The following SAP30BP variants were observed in gnomAD, a reference collection of about 807,000 sequenced individuals.
The protein encoded by SAP30BP is SAP30 binding protein, also known as SAP30-binding protein.
SAP30BP carries 31 observed loss-of-function variants against 46.3 expected under a neutral mutation model. That is an observed-to-expected ratio of 0.67 (90% confidence interval 0.50 to 0.90). The LOEUF is 0.90. Among genes scored for constraint, SAP30BP ranks in the 40% least tolerant of loss-of-function variants. SAP30BP has a pLI of 0.00. For missense variants in SAP30BP, 312 were observed against 391.0 expected (o/e 0.80, Z 1.70); for synonymous variants, 169 against 144.2 (o/e 1.17, Z -1.23).
intron 1 of SAP30BP, 105 bp from the exon 2 acceptor site, chr17:75,668,411 G>A (rs979056312): frequency 1.2e-5 from 8 of 644,432 alleles, no homozygotes; most frequent in Non-Finnish European, 7.7e-6. Context: ...TGTATCTTCA[G>A]AGATAGTCTT....
intron 3 of SAP30BP, among the ~76,000 whole-genome samples, chr17:75,682,593 T>C (rs2148389232): frequency 1.3e-5 from 2 of 152,326 alleles, no homozygotes; most frequent in South Asian, 4.1e-4. Context: ...TATAAACATT[T>C]TCAATGTTGC....
intron 3 of SAP30BP, chr17:75,672,272 C>T (rs1396962739): frequency 1.1e-5 from 2 of 188,162 alleles, no homozygotes; most frequent in Non-Finnish European, 2.3e-5. Context: ...GAACAAGAGG[C>T]TATAAGAAGG....
chr17:75,693,556 C>A (rs1357015487), intron 4 of SAP30BP, 74 bp downstream of exon 4: 1 of 1,396,398 alleles, frequency 7.2e-7, no homozygotes, highest in Non-Finnish European at 1.0e-6. Flanking sequence ...CCATGCCAGG[C>A]CTGCCGCCCC....
In SAP30BP at chr17:75,706,697, G is replaced by A; in HGVS notation, c.*176G>A. On this transcript the variant is annotated 3_prime_UTR_variant, in exon 11 of 11. Coordinates refer to ENST00000584667, the MANE Select transcript of SAP30BP (RefSeq NM_013260.8). The surrounding 1 kb of genome is among the most constrained non-coding windows in gnomAD (Gnocchi z 4.6). ...AGGCAGCACGGGAGCCAGGCGCTGTGGACAGGGTCTGTCCACGCACCACCT... is the reference window on the plus strand; with the variant it reads ...AGGCAGCACGGGAGCCAGGCGCTGTAGACAGGGTCTGTCCACGCACCACCT... 1 of 629,312 alleles carries A rather than the reference G, an allele frequency of 1.6e-6. No homozygotes were observed. The highest frequency in any genetic ancestry group is 2.8e-6 in the Non-Finnish European group (1 of 361,158). The allele number at this position is 629,312 out of a possible 1,614,324, so 39.0% of individuals were successfully genotyped here.
chr17:75,691,555 G>C (rs1164309567), intron 3 of SAP30BP: 3 of 447,338 alleles, frequency 6.7e-6, no homozygotes, highest in Non-Finnish European at 8.9e-6. Flanking sequence ...CCCTTGAAGA[G>C]CCATTGCATG....
intron 3 of SAP30BP, chr17:75,692,191 G>A (rs1420519057): frequency 1.0e-5 from 10 of 983,974 alleles, no homozygotes; most frequent in Non-Finnish European, 1.2e-5. Context: ...GCATCAGGAG[G>A]GACTTTCTGG....
intron 6 of SAP30BP, 83 bp from the exon 7 acceptor site, chr17:75,703,228 T>C: frequency 7.6e-7 from 1 of 1,309,684 alleles, no homozygotes; most frequent in Admixed American, 1.7e-5. Context: ...GAAGGTTTTG[T>C]GTCAGCCCCA....
chr17:75,695,360 G>T (rs980811555), intron 4 of SAP30BP, among the ~76,000 whole-genome samples: 1 of 152,190 alleles, frequency 6.6e-6, no homozygotes, highest in African/African-American at 2.4e-5. Context: ...TAAGAACCAG[G>T]GATAGAAAGG....
chr17:75,686,014 A>T (rs910339471), intron 3 of SAP30BP, among the ~76,000 whole-genome samples: 1 of 152,248 alleles, frequency 6.6e-6, no homozygotes, highest in African/African-American at 2.4e-5. Flanking sequence ...CTGCATTTAC[A>T]TTGAAGTCTA....
At chr17:75,690,751 A>G (rs1320731789) in intron 3 of SAP30BP, 2 of 456,592 alleles carry the variant, frequency 4.4e-6, no homozygotes, top group Admixed American at 2.3e-5. Flanking sequence ...GGGCAGAAGA[A>G]TCACATTCTA....
At chr17:75,703,170 G>A (rs2060440258) in intron 6 of SAP30BP, 141 bp from the exon 7 acceptor site, 3 of 712,046 alleles carry the variant, frequency 4.2e-6, no homozygotes, top group African/African-American at 1.7e-5. Context: ...AGAGTGGAGG[G>A]CCATCAGGAA....
intron 2 of SAP30BP, among the ~76,000 whole-genome samples, chr17:75,670,246 C>T (rs140838942): frequency 0.012 from 1,788 of 151,950 alleles, 31 homozygotes; most frequent in African/African-American, 0.041. Context: ...CGCTTGAACC[C>T]GGGAGGCGGA....
intron 3 of SAP30BP, among the ~76,000 whole-genome samples, chr17:75,689,755 T>TCTTGTTG (rs1460758411): frequency 6.6e-6 from 1 of 152,160 alleles, no homozygotes; most frequent in Non-Finnish European, 1.5e-5. Context: ...AACAGTGCTT[T>TCTTGTTG]CTTGTTGCTT....
chr17:75,698,890 C>T (rs2060362563), intron 4 of SAP30BP, among the ~76,000 whole-genome samples: 1 of 152,336 alleles, frequency 6.6e-6, no homozygotes, highest in African/African-American at 2.4e-5. Context: ...CTGACTCTTT[C>T]CTTAAAAGTT....
At chr17:75,701,129 G>A (rs371491866) in intron 5 of SAP30BP, among the ~76,000 whole-genome samples, 28 of 152,144 alleles carry the variant, frequency 1.8e-4, no homozygotes, top group East Asian at 5.8e-4. Context: ...GAAAGATTTG[G>A]CCTCTAACAA....
intron 3 of SAP30BP, among the ~76,000 whole-genome samples, chr17:75,683,308 A>G (rs1035132593): frequency 5.3e-5 from 8 of 151,688 alleles, no homozygotes; most frequent in African/African-American, 1.7e-4. Flanking sequence ...CAGCCTCCCA[A>G]AGTGCTGGGA....
Position 75,697,978 on chromosome 17 carries a change from G to A in SAP30BP, c.308-1805G>A, listed in dbSNP as rs542578127. On this transcript the variant is annotated intron_variant, in intron 4 of 10. Transcript: ENST00000584667. Reference sequence around the variant, plus strand: ...TAGGTGCTCAGTAAGTGCTTGCTGAGTGTTACTGGTGTTTTGTTCATTCTT... The same window carrying A: ...TAGGTGCTCAGTAAGTGCTTGCTGAATGTTACTGGTGTTTTGTTCATTCTT... Among the ~76,000 whole-genome samples, 32 of 152,368 alleles carry A rather than the reference G, an allele frequency of 2.1e-4. No individual in the cohort carries two copies. In the South Asian group the frequency reaches 6.4e-3, roughly 31 times the overall value.
intron 9 of SAP30BP, chr17:75,705,647 C>G (rs781144298): frequency 2.8e-6 from 3 of 1,077,070 alleles, no homozygotes; most frequent in Non-Finnish European, 3.4e-6. Flanking sequence ...GCCTGGGGAC[C>G]GGAGCTGTCC....
At chr17:75,682,821 G>C (rs975714578) in intron 3 of SAP30BP, among the ~76,000 whole-genome samples, 1 of 151,436 alleles carries the variant, frequency 6.6e-6, no homozygotes, top group Non-Finnish European at 1.5e-5. Flanking sequence ...AAATTAGCCA[G>C]ACATGGTGGC....
Sources: allele counts gnomAD v4.1 joint callset (sites outside exome capture counted in the v4.1 genomes callset), GRCh38; gene constraint gnomAD v4.1.1; non-coding constraint Gnocchi (gnomAD v3.1); transcripts MANE v1.5; gene names NCBI Gene and HGNC (gene_info 2026-07-23, HGNC 2026-07-21).